Variants in CD83 observed in about 807,000 individuals in gnomAD.
The protein encoded by CD83 is CD83 molecule, also known as CD83 antigen.
CD83 carries 22 observed loss-of-function variants against 24.6 expected under a neutral mutation model. That is an observed-to-expected ratio of 0.90 (90% CI 0.64 to 1.28). The LOEUF is 1.28. Among genes scored for constraint, CD83 ranks in the 50% most tolerant of loss-of-function variants. CD83 has a pLI of 0.00. For missense variants in CD83, 253 were observed against 252.8 expected, an observed-to-expected ratio of 1.00 and a Z score of -0.01; for synonymous variants, 101 against 103.5, an observed-to-expected ratio of 0.98 and a Z score of 0.14.
intron 3 of CD83, among the ~76,000 whole-genome samples, chr6:14,132,593 A>G (rs566635842): frequency 6.6e-6 from 1 of 152,324 alleles, no homozygotes; most frequent in Admixed American, 6.5e-5. Flanking sequence ...TAACGTCTAC[A>G]ACATAGGCTT....
At chr6:14,132,274 C>T (rs139194017) in intron 3 of CD83, among the ~76,000 whole-genome samples, 12 of 152,304 alleles carry the variant, frequency 7.9e-5, no homozygotes, top group South Asian at 2.1e-4. Flanking sequence ...AGAACCTCTG[C>T]GTTTTCTTCT....
Position 14,118,027 on chromosome 6 carries a change from T to A in CD83, c.115T>A (p.Trp39Arg), listed in dbSNP as rs1377655322. Reference sequence around the variant, plus strand: ...TGTGGACTTGCCCTGCACCGCCCCCTGGGATCCGCAGGTTCCCTACACGGT... The same window carrying A: ...TGTGGACTTGCCCTGCACCGCCCCCAGGGATCCGCAGGTTCCCTACACGGT... ...EDVDLPCTAP[W>R]DPQVPYTVSW... Residue 39 changes from tryptophan to arginine, a missense_variant, in exon 2 of 5, where the codon TGG becomes AGG. Trp to Arg is a moderately radical substitution (Grantham distance 101, BLOSUM62 -3). Transcript: ENST00000379153. The A allele has an allele frequency of 6.2e-7, 1 of 1,610,650 alleles. No individual in the cohort carries two copies. The highest frequency in any genetic ancestry group is 1.7e-4 in the Middle Eastern group (1 of 6,058).
In CD83 at chr6:14,131,536, AAG is replaced by A. The variant is rs777084908; in HGVS notation, c.175_176del (p.Arg59AspfsTer28). The A allele has an allele frequency of 3.7e-6, 6 of 1,613,706 alleles. No homozygotes were observed. The South Asian group carries it at 6.6e-5, about 18-fold the overall frequency. On this transcript the variant is annotated frameshift_variant, in exon 3 of 5. Transcript: ENST00000379153. LOFTEE classifies it high-confidence loss of function. Reference sequence around the variant, plus strand: ...TCTTCACAGTTATTGGAGGGTGGTGAAGAGAGGATGGAGACACCCCAGGAAGA... The same window carrying A: ...TCTTCACAGTTATTGGAGGGTGGTGAAGAGGATGGAGACACCCCAGGAAGA...
chr6:14,123,751 G>GAAAAAA (rs10647098), intron 2 of CD83, among the ~76,000 whole-genome samples: 6 of 103,402 alleles, frequency 5.8e-5, no homozygotes, highest in Non-Finnish European at 7.9e-5. Context: ...GAGTTAAATT[G>GAAAAAA]AAAAAAAAAA....
chr6:14,132,064 G>T (rs1036539618), intron 3 of CD83, among the ~76,000 whole-genome samples: 14 of 152,298 alleles, frequency 9.2e-5, no homozygotes, highest in South Asian at 2.1e-4. Context: ...TGGACTTCGG[G>T]TAATATTATT....
chr6:14,117,519 A>ACGCGAACT (rs1349165576), upstream of CD83: 1 of 149,206 alleles, frequency 6.7e-6, no homozygotes, highest in Non-Finnish European at 1.5e-5. This position sits in a 1 kb window ranked among gnomAD's most constrained non-coding sequence, Gnocchi z 4.6. Context: ...CGCAGCAGCG[A>ACGCGAACT]CGCGAACTCG....
At chr6:14,124,433 G>A (rs1321648776) in intron 2 of CD83, among the ~76,000 whole-genome samples, 1 of 152,246 alleles carries the variant, frequency 6.6e-6, no homozygotes, top group Admixed American at 6.5e-5. Context: ...AAAGAAGGAT[G>A]CTGGTTTCCA....
intron 2 of CD83, among the ~76,000 whole-genome samples, chr6:14,128,305 C>T (rs991079589): frequency 3.3e-5 from 5 of 152,136 alleles, no homozygotes; most frequent in African/African-American, 7.2e-5. Flanking sequence ...CTTTTGCATA[C>T]GGTCCCTTGA....
At chr6:14,133,428 G>A (rs1021194971) in intron 3 of CD83, among the ~76,000 whole-genome samples, 3 of 152,180 alleles carry the variant, frequency 2.0e-5, no homozygotes, top group East Asian at 3.9e-4. Context: ...CTGAAGATTC[G>A]GAAAGATGCC....
chr6:14,126,043 A>G (rs1308456461), intron 2 of CD83, among the ~76,000 whole-genome samples: 1 of 152,166 alleles, frequency 6.6e-6, no homozygotes, highest in Non-Finnish European at 1.5e-5. Flanking sequence ...TAATAACCCC[A>G]TGAGCAAGTA....
In CD83 at chr6:14,131,523, T is replaced by C. The variant is rs1561832086; in HGVS notation, c.157T>C (p.Leu53=). ...VPYTVSWVKL[L]EGGEERMETP... ...CGCTCTGATTCCTTCTTCACAGTTA[T>C]TGGAGGGTGGTGAAGAGAGGATGGA... The change falls in exon 3 of 5, where the codon TTG becomes CTG. Residue 53 remains leucine, a synonymous_variant. Transcript: ENST00000379153. 1.9e-6 allele frequency: 3 copies of C among 1,612,244 alleles called. No individual in the cohort carries two copies. The highest frequency in any genetic ancestry group is 1.3e-5 in the African/African-American group (1 of 74,852).
intron 2 of CD83, among the ~76,000 whole-genome samples, chr6:14,127,556 A>G (rs1200326751): frequency 6.6e-6 from 1 of 152,124 alleles, no homozygotes; most frequent in East Asian, 1.9e-4. Context: ...TCATTAAAAA[A>G]AAAAAACTGA....
chr6:14,118,608 C>G (rs190502011), intron 2 of CD83, among the ~76,000 whole-genome samples: 1 of 152,274 alleles, frequency 6.6e-6, no homozygotes, highest in Admixed American at 6.5e-5. Context: ...TTGTGGGATA[C>G]CCTTGGCTTC....
intron 2 of CD83, among the ~76,000 whole-genome samples, chr6:14,123,100 G>GT (rs70993012): frequency 0.051 from 7,191 of 141,694 alleles, 204 homozygotes; most frequent in Non-Finnish European, 0.07. Flanking sequence ...GTTTGTTTTT[G>GT]TTTTTTTTTT....
upstream of CD83, chr6:14,117,647 C>T (rs1228687921): frequency 7.7e-6 from 3 of 389,398 alleles, no homozygotes; most frequent in Non-Finnish European, 9.0e-6. This position sits in a 1 kb window ranked among gnomAD's most constrained non-coding sequence, Gnocchi z 4.6. Flanking sequence ...GGGGGCGCCC[C>T]GGCCTAAGCG....
chr6:14,126,253 T>C (rs1457318602), intron 2 of CD83, among the ~76,000 whole-genome samples: 1 of 152,210 alleles, frequency 6.6e-6, no homozygotes, highest in African/African-American at 2.4e-5. Flanking sequence ...CAGGGAACTA[T>C]TTAGTATGCA....
At chr6:14,127,323 T>C (rs6936285) in intron 2 of CD83, among the ~76,000 whole-genome samples, 8,770 of 152,214 alleles carry the variant, frequency 0.058, 394 homozygotes, top group East Asian at 0.2. Flanking sequence ...TATGATAAAT[T>C]TAGATTTCAA....
Position 14,135,197 on chromosome 6 carries a change from T to G in CD83, c.579T>G (p.His193Gln). 1 of 1,614,094 alleles carries G rather than the reference T, an allele frequency of 6.2e-7. No individual in the cohort carries two copies. The highest frequency in any genetic ancestry group is 8.5e-7 in the Non-Finnish European group (1 of 1,179,958). ...TCCCAGTTACCTCCCCAAATAAGCATTTAGGGCTAGTGACTCCTCACAAGA... is the reference window on the plus strand; with the variant it reads ...TCCCAGTTACCTCCCCAAATAAGCAGTTAGGGCTAGTGACTCCTCACAAGA... ...AFLPVTSPNK[H>Q]LGLVTPHKTE... is the part of the protein sequence containing the mutation. The change falls in exon 5 of 5, where the codon CAT becomes CAG. Residue 193 changes from histidine (H) to glutamine (Q), a missense_variant. His to Gln is a conservative substitution (Grantham distance 24). Coordinates refer to ENST00000379153, the MANE Select transcript of CD83 (RefSeq NM_004233.4).
chr6:14,135,424 A>T lies in CD83; in HGVS notation c.*188A>T, dbSNP rs969206054. On this transcript the variant is annotated 3_prime_UTR_variant, in exon 5 of 5. Transcript: ENST00000379153. ...GGCAGGCCTCGAAAACCATCACATG[A>T]CCACATAGCATGAGGCCACTGCTGC... 10 of 585,074 alleles carry T rather than the reference A, an allele frequency of 1.7e-5. No individual in the cohort carries two copies. The African/African-American group carries it at 1.9e-4, about 11-fold the overall frequency. 36.2% of individuals were successfully genotyped at this position (585,074 alleles called of 1,614,324 possible).
Sources: allele counts gnomAD v4.1 joint callset (sites outside exome capture counted in the v4.1 genomes callset), GRCh38; gene constraint gnomAD v4.1.1; non-coding constraint Gnocchi (gnomAD v3.1); transcripts MANE v1.5; gene names NCBI Gene and HGNC (gene_info 2026-07-23, HGNC 2026-07-21).